TMEM254: variants seen among roughly 807,000 people sequenced by gnomAD.
The protein encoded by TMEM254 is transmembrane protein 254, also known as transmembrane protein C10orf57.
A neutral mutation model predicts 13.9 loss-of-function variants in TMEM254; 16 were observed. The observed-to-expected ratio is 1.15, with a 90% CI of 0.78 to 1.75. TMEM254 has a LOEUF of 1.75. Ranked by LOEUF, TMEM254 falls within the 40% of genes most tolerant of loss-of-function variation. The pLI, the probability that TMEM254 is intolerant of heterozygous loss-of-function variation, is 0.00. For missense variants in TMEM254, 155 were observed against 149.0 expected (o/e 1.04, Z -0.21); for synonymous variants, 61 against 56.4 (o/e 1.08, Z -0.36).
chr10:80,091,830 AC>A lies in TMEM254; in HGVS notation c.*916del. On this transcript the variant is annotated 3_prime_UTR_variant, in exon 4 of 4. Coordinates refer to ENST00000372281, the MANE Select transcript of TMEM254 (RefSeq NM_025125.4). ...GAAAATGGCACAACCCATTTGGGGTACCCTCACCCCAAAATAAAAGCCCAAG... is the reference window on the plus strand; with the variant it reads ...GAAAATGGCACAACCCATTTGGGGTACCTCACCCCAAAATAAAAGCCCAAG... 1 of 152,322 alleles carries A rather than the reference AC, an allele frequency of 6.6e-6. No individual in the cohort carries two copies. Among genetic ancestry groups the A allele is most frequent in the Middle Eastern group, 3.4e-3 (1 of 294 alleles). 9.4% of individuals were successfully genotyped at this position (152,322 alleles called of 1,614,324 possible). A position where few individuals can be genotyped will look rare whatever the true frequency, so the allele number is the denominator to read the frequency against.
At chr10:80,086,306 C>T (rs61859013) in intron 3 of TMEM254, 126,587 of 1,391,956 alleles carry the variant, frequency 0.091, 6,499 homozygotes, top group Admixed American at 0.21. Context: ...AACCCTTCTC[C>T]GGGTTACCTA....
At chr10:80,078,892 C>G in intron 1 of TMEM254, 106 bp downstream of exon 1, 1 of 1,527,442 alleles carries the variant, frequency 6.5e-7, no homozygotes, top group Non-Finnish European at 8.9e-7. Flanking sequence ...CGTGCAAGCA[C>G]AATCCCGACT....
rs755759010 is a variant in TMEM254, at chr10:80,078,750, G to A, written c.51G>A (p.Trp17Ter). 5.0e-6 allele frequency: 8 copies of A among 1,609,016 alleles called. No individual in the cohort carries two copies. The South Asian group carries it at 8.9e-5, about 18-fold the overall frequency. Residue 17 changes from tryptophan (W) to a stop codon, truncating the protein, a stop_gained, in exon 1 of 4, where the codon TGG becomes TGA. Transcript: ENST00000372281. LOFTEE classifies it high-confidence loss of function. ...ACTTTCAGCGAGGCAGTCTGTTCTG[G>A]TTCACAGTCATCACCCTCAGCTTTG... is the stretch of plus-strand genomic sequence containing the variant. Reference protein sequence around the residue: ...ATYFQRGSLFWFTVITLSFGY... With the variant: ...ATYFQRGSLF
At chr10:80,079,955 C>T (rs1248702439) in intron 1 of TMEM254, among the ~76,000 whole-genome samples, 1 of 152,168 alleles carries the variant, frequency 6.6e-6, no homozygotes, top group African/African-American at 2.4e-5. Context: ...TGAAGGAAGG[C>T]GAAGCTATTT....
intron 1 of TMEM254, 157 bp from the exon 2 acceptor site, chr10:80,081,684 G>A (rs538450206): frequency 4.4e-6 from 7 of 1,576,884 alleles, no homozygotes; most frequent in African/African-American, 2.7e-5. Context: ...AAGAAAGAAA[G>A]AAAATAGAAG....
At chr10:80,079,124 T>C (rs1213959642) in intron 1 of TMEM254, 3 of 1,346,050 alleles carry the variant, frequency 2.2e-6, no homozygotes, top group Non-Finnish European at 3.0e-6. Flanking sequence ...CTACCGCCTA[T>C]TTCCGTCCAG....
At chr10:80,090,176 A>G (rs1374660505) in intron 3 of TMEM254, among the ~76,000 whole-genome samples, 1 of 152,228 alleles carries the variant, frequency 6.6e-6, no homozygotes, top group Non-Finnish European at 1.5e-5. Flanking sequence ...ATTTATGTAC[A>G]GATGAGACTG....
chr10:80,086,140 T>G, intron 3 of TMEM254: 1 of 750,292 alleles, frequency 1.3e-6, no homozygotes, highest in Non-Finnish European at 1.9e-6. Flanking sequence ...CAAAGAGATT[T>G]TTGCATCTGC....
intron 1 of TMEM254, chr10:80,079,612 A>G: frequency 2.2e-5 from 22 of 987,062 alleles, no homozygotes; most frequent in Non-Finnish European, 2.6e-5. Flanking sequence ...GCAAGAAGAA[A>G]GCTGTACCTA....
At chr10:80,083,561 G>A (rs1394615379) in intron 3 of TMEM254, among the ~76,000 whole-genome samples, 1 of 152,184 alleles carries the variant, frequency 6.6e-6, no homozygotes, top group Non-Finnish European at 1.5e-5. Flanking sequence ...GTCACCATCT[G>A]ATATTATCTA....
Position 80,085,796 on chromosome 10 carries a change from G to A in TMEM254, c.251+3592G>A, listed in dbSNP as rs573620076. ...TTTTTCCTTAGGGATAAATAAAATA[G>A]TATCTCTTTGAGGCCAATATTCATG... On this transcript the variant is annotated intron_variant, in intron 3 of 3. Transcript: ENST00000372281. Among the ~76,000 whole-genome samples, 4 of 152,226 alleles carry A rather than the reference G, an allele frequency of 2.6e-5. No individual in the cohort carries two copies. In the East Asian group the frequency reaches 7.7e-4, roughly 29 times the overall value.
chr10:80,091,988 C>A lies in TMEM254; in HGVS notation c.*1071C>A, dbSNP rs1469606660. ...AGCTCTGATTTATTCAAAACACAAGCATTTCTGTTTAGAGATTCTAGCCCA... is the reference window on the plus strand; with the variant it reads ...AGCTCTGATTTATTCAAAACACAAGAATTTCTGTTTAGAGATTCTAGCCCA... On this transcript the variant is annotated 3_prime_UTR_variant, in exon 4 of 4. Transcript: ENST00000372281. 2.6e-5 allele frequency: 4 copies of A among 152,284 alleles called. No homozygotes were observed. The highest frequency in any genetic ancestry group is 3.9e-4 in the East Asian group (2 of 5,188). 9.4% of individuals were successfully genotyped at this position (152,284 alleles called of 1,614,324 possible).
At chr10:80,082,054 T>A in intron 2 of TMEM254, 91 bp from the exon 3 acceptor site, 1 of 1,571,818 alleles carries the variant, frequency 6.4e-7, no homozygotes. Context: ...CGGTTCACCT[T>A]AAGGCACTTT....
At chr10:80,084,009 C>T (rs1350214993) in intron 3 of TMEM254, among the ~76,000 whole-genome samples, 5 of 152,000 alleles carry the variant, frequency 3.3e-5, no homozygotes, top group South Asian at 4.2e-4. Context: ...CGCTTGAATC[C>T]GGGAGGCAGA....
chr10:80,079,128 C>T (rs1488978559), intron 1 of TMEM254: 1 of 1,324,386 alleles, frequency 7.6e-7, no homozygotes, highest in African/African-American at 1.5e-5. Flanking sequence ...CGCCTATTTC[C>T]GTCCAGCAAG....
chr10:80,083,032 G>A (rs1277856975), intron 3 of TMEM254, among the ~76,000 whole-genome samples: 1 of 150,990 alleles, frequency 6.6e-6, no homozygotes, highest in Admixed American at 6.6e-5. Flanking sequence ...GTACTGCTAT[G>A]TCAGAGACTG....
In TMEM254 at chr10:80,090,886, C is replaced by T. The variant is rs1844550723; in HGVS notation, c.341C>T (p.Ala114Val). 1 of 1,613,922 alleles carries T rather than the reference C, an allele frequency of 6.2e-7. No homozygotes were observed. Among genetic ancestry groups the T allele is most frequent in the Non-Finnish European group, 8.5e-7 (1 of 1,179,972 alleles). Reference sequence around the variant, plus strand: ...ATAGCGTCTCTCACCATCTTGATTGCTTACAAACGGAAGCGCCAAAAACAA... The same window carrying T: ...ATAGCGTCTCTCACCATCTTGATTGTTTACAAACGGAAGCGCCAAAAACAA... ...FGIASLTILI[A>V]YKRKRQKQT is the part of the protein sequence containing the mutation. Residue 114 changes from alanine (A) to valine (V), a missense_variant, in exon 4 of 4, where the codon GCT (alanine) becomes GTT (valine). Physicochemically the swap from Ala to Val is moderately conservative, Grantham distance 64. Coordinates refer to ENST00000372281, the MANE Select transcript of TMEM254 (RefSeq NM_025125.4).
chr10:80,079,482 A>T, intron 1 of TMEM254: 1 of 1,029,292 alleles, frequency 9.7e-7, no homozygotes, highest in Non-Finnish European at 1.2e-6. Context: ...GGGCTTCCGA[A>T]GCAGAATGTT....
intron 1 of TMEM254, chr10:80,079,165 TG>T (rs1288513806): frequency 2.6e-6 from 3 of 1,163,808 alleles, no homozygotes; most frequent in Non-Finnish European, 2.3e-6. Flanking sequence ...GTCACAGTCC[TG>T]GGGCTGGGCT....
Sources: allele counts gnomAD v4.1 joint callset (sites outside exome capture counted in the v4.1 genomes callset), GRCh38; gene constraint gnomAD v4.1.1; transcripts MANE v1.5; gene names NCBI Gene and HGNC (gene_info 2026-07-23, HGNC 2026-07-21).